SGPP2: variants seen among roughly 807,000 people sequenced by gnomAD.
SGPP2 encodes the protein sphingosine-1-phosphate phosphatase 2, also known as sphingosine 1-phosphate phosphohydrolase 2.
A neutral mutation model predicts 33.9 loss-of-function variants in SGPP2; 30 were observed. That is an observed-to-expected ratio of 0.89 (90% CI 0.66 to 1.20). The LOEUF (loss-of-function observed/expected upper bound fraction) is 1.20, where lower values mean the gene tolerates loss of function less well. Ranked by LOEUF, SGPP2 falls within the 50% of genes most tolerant of loss-of-function variation. SGPP2 has a pLI of 0.00. For synonymous variants in SGPP2, 233 were observed against 225.0 expected, an observed-to-expected ratio of 1.04 and a Z score of -0.32; for missense variants, 458 against 532.1, an observed-to-expected ratio of 0.86 and a Z score of 1.37.
intron 4 of SGPP2, among the ~76,000 whole-genome samples, chr2:222,532,633 T>C (rs917634917): frequency 1.3e-5 from 2 of 152,160 alleles, no homozygotes; most frequent in Non-Finnish European, 2.9e-5. Flanking sequence ...CCTCCATCAG[T>C]CAGGTAGTCA....
chr2:222,460,706 T>A lies in SGPP2; in HGVS notation c.220-13862T>A, dbSNP rs1034251312. ...TGCTGCCTACGACTCCCTTTACAAA[T>A]CCCTCACACCCTGGCTGCTCTGTCG... On this transcript the variant is annotated intron_variant, in intron 1 of 4. Coordinates refer to ENST00000321276, the MANE Select transcript of SGPP2 (RefSeq NM_152386.4). The surrounding 1 kb of genome is among the most constrained non-coding windows in gnomAD (Gnocchi z 4.3). Among the ~76,000 whole-genome samples, 5 of 152,102 alleles carry A rather than the reference T, an allele frequency of 3.3e-5. No individual in the cohort carries two copies. Among genetic ancestry groups the A allele is most frequent in the African/African-American group, 1.2e-4 (5 of 41,412 alleles).
At position 222,424,824 on chromosome 2, in the gene SGPP2, A is replaced by T. The variant is rs1341488352; in HGVS notation, c.219+3A>T. ...TGCGCAGAGCCGCGGCGCCGGAGGT[A>T]ACCATGGGCAGGTGTTCGCCGGGTA... On this transcript the variant is annotated splice_donor_region_variant and intron_variant, in intron 1 of 4. Coordinates refer to ENST00000321276, the MANE Select transcript of SGPP2 (RefSeq NM_152386.4). 1.5e-6 allele frequency: 2 copies of T among 1,354,990 alleles called. No homozygotes were observed. The highest frequency in any genetic ancestry group is 3.5e-5 in the Admixed American group (1 of 28,226). The allele number at this position is 1,354,990 out of a possible 1,614,324, so 83.9% of individuals were successfully genotyped here. A position where few individuals can be genotyped will look rare whatever the true frequency, so the allele number is the denominator to read the frequency against.
At position 222,477,322 on chromosome 2, in the gene SGPP2, T is replaced by C. The variant is rs1697957589; in HGVS notation, c.378+2596T>C. ...GTGTGTATATAGGTGTGAGTATATATGTGTGTCTATGTGTGTGTGTATAGG... is the reference window on the plus strand; with the variant it reads ...GTGTGTATATAGGTGTGAGTATATACGTGTGTCTATGTGTGTGTGTATAGG... On this transcript the variant is annotated intron_variant, in intron 2 of 4. Transcript: ENST00000321276. The surrounding 1 kb of genome is among the most constrained non-coding windows in gnomAD (Gnocchi z 6.0). Among the ~76,000 whole-genome samples the C allele has an allele frequency of 6.7e-6, 1 of 148,972 alleles. No individual in the cohort carries two copies. The highest frequency in any genetic ancestry group is 2.5e-5 in the African/African-American group (1 of 39,236).
At chr2:222,432,167 T>G (rs1409911670) in intron 1 of SGPP2, among the ~76,000 whole-genome samples, 1 of 152,224 alleles carries the variant, frequency 6.6e-6, no homozygotes, top group Non-Finnish European at 1.5e-5. Context: ...AGGCTGTCTC[T>G]GTGCAGGATT....
intron 1 of SGPP2, among the ~76,000 whole-genome samples, chr2:222,430,260 C>T (rs1697133323): frequency 6.6e-6 from 1 of 152,038 alleles, no homozygotes; most frequent in Non-Finnish European, 1.5e-5. Context: ...TTCTCATGTG[C>T]TAGAACATAA....
At chr2:222,449,501 G>A (rs376410456) in intron 1 of SGPP2, among the ~76,000 whole-genome samples, 211 of 141,862 alleles carry the variant, frequency 1.5e-3, no homozygotes, top group African/African-American at 5.5e-3. Flanking sequence ...ACGGAGTCTC[G>A]CTCTGTCACC....
chr2:222,489,159 A>G (rs888827693), intron 2 of SGPP2, among the ~76,000 whole-genome samples: 3 of 152,222 alleles, frequency 2.0e-5, no homozygotes, highest in Non-Finnish European at 4.4e-5. Flanking sequence ...CCTTGTATTT[A>G]CTACAAATTC....
chr2:222,485,675 C>G (rs1698095192), intron 2 of SGPP2, among the ~76,000 whole-genome samples: 1 of 152,146 alleles, frequency 6.6e-6, no homozygotes, highest in African/African-American at 2.4e-5. Context: ...AATTCCTCCC[C>G]CTACACGAAT....
At chr2:222,429,460 T>C (rs999169992) in intron 1 of SGPP2, among the ~76,000 whole-genome samples, 6 of 152,358 alleles carry the variant, frequency 3.9e-5, no homozygotes, top group Admixed American at 6.5e-5. Flanking sequence ...CGAAAGAATA[T>C]ATTTGATCTT....
chr2:222,456,373 T>C (rs1010632536), intron 1 of SGPP2, among the ~76,000 whole-genome samples: 2 of 152,226 alleles, frequency 1.3e-5, no homozygotes, highest in African/African-American at 2.4e-5. Flanking sequence ...CTCACGTGGC[T>C]GTTGAGCACT....
At chr2:222,491,951 T>A (rs2106111072) in intron 2 of SGPP2, among the ~76,000 whole-genome samples, 1 of 152,284 alleles carries the variant, frequency 6.6e-6, no homozygotes, top group African/African-American at 2.4e-5. Context: ...ACAAAGGGGC[T>A]ACAGACCCCG....
At chr2:222,452,039 T>C (rs1243497814) in intron 1 of SGPP2, among the ~76,000 whole-genome samples, 1 of 151,934 alleles carries the variant, frequency 6.6e-6, no homozygotes, top group African/African-American at 2.4e-5. Context: ...TCTTTTTTTT[T>C]CACATCAATT....
chr2:222,549,883 C>CTTTTT (rs751034613), intron 4 of SGPP2, among the ~76,000 whole-genome samples: 10 of 137,644 alleles, frequency 7.3e-5, no homozygotes, highest in African/African-American at 1.3e-4. Flanking sequence ...CTTTTCTTTT[C>CTTTTT]TTTTTTTTTT....
chr2:222,488,108 C>T (rs1185511561), intron 2 of SGPP2, among the ~76,000 whole-genome samples: 1 of 152,228 alleles, frequency 6.6e-6, no homozygotes, highest in Non-Finnish European at 1.5e-5. Context: ...ACCTTGCACC[C>T]TGTAAAATCT....
intron 2 of SGPP2, among the ~76,000 whole-genome samples, chr2:222,510,641 G>A (rs1397362523): frequency 2.0e-5 from 3 of 152,120 alleles, no homozygotes; most frequent in Non-Finnish European, 2.9e-5. Context: ...TAATATGGTG[G>A]GTGTAATTTG....
chr2:222,508,134 A>G (rs957233274), intron 2 of SGPP2, among the ~76,000 whole-genome samples: 3 of 152,210 alleles, frequency 2.0e-5, no homozygotes, highest in Non-Finnish European at 4.4e-5. Flanking sequence ...CAATTTTCTC[A>G]TCAGATGTGA....
At chr2:222,452,761 G>C in intron 1 of SGPP2, 1 of 1,465,680 alleles carries the variant, frequency 6.8e-7, no homozygotes, top group South Asian at 1.1e-5. Flanking sequence ...AGGCATTCCT[G>C]GTGGTAAGAA....
chr2:222,515,543 G>T (rs984707907), intron 2 of SGPP2, among the ~76,000 whole-genome samples: 2 of 151,842 alleles, frequency 1.3e-5, no homozygotes, highest in African/African-American at 4.8e-5. Flanking sequence ...TGGTCAGGCT[G>T]GTCTCAAACT....
At chr2:222,539,636 C>G (rs1574886206) in intron 4 of SGPP2, among the ~76,000 whole-genome samples, 1 of 152,222 alleles carries the variant, frequency 6.6e-6, no homozygotes, top group African/African-American at 2.4e-5. Context: ...AATCCTTAGT[C>G]CTGCTGTTGG....
Sources: allele counts gnomAD v4.1 joint callset (sites outside exome capture counted in the v4.1 genomes callset), GRCh38; gene constraint gnomAD v4.1.1; non-coding constraint Gnocchi (gnomAD v3.1); transcripts MANE v1.5; gene names NCBI Gene and HGNC (gene_info 2026-07-23, HGNC 2026-07-21).